Variants in POLA1 observed in about 807,000 individuals in gnomAD.
The protein encoded by POLA1 is DNA polymerase alpha 1, catalytic subunit.
A neutral mutation model predicts 124.0 loss-of-function variants in POLA1; 15 were observed. The observed-to-expected ratio is 0.12, with a 90% confidence interval of 0.08 to 0.19. The LOEUF (loss-of-function observed/expected upper bound fraction) is 0.19, where lower values mean the gene tolerates loss of function less well. POLA1 is among the 10% of genes least tolerant of loss of function. The probability of loss-of-function intolerance (pLI) is 1.00; values close to 1 mark genes in which losing one functional copy is unlikely to be tolerated. For synonymous variants in POLA1, 408 were observed against 389.4 expected (o/e 1.05, Z -0.56); for missense variants, 886 against 1,103.4 (o/e 0.80, Z 2.79).
Position 24,841,698 on chromosome X carries a change from A to C in POLA1, c.3783A>C (p.Glu1261Asp), listed in dbSNP as rs748187483. 5.1e-6 allele frequency: 6 copies of C among 1,187,590 alleles called. No homozygotes were observed. Among genetic ancestry groups the C allele is most frequent in the Non-Finnish European group, 6.8e-6 (6 of 878,509 alleles). The change falls in exon 33 of 37, where the codon GAA (glutamate) becomes GAC (aspartate). Residue 1261 changes from glutamate to aspartate, a missense_variant. Around this residue, in one of 7 missense-constraint regions of POLA1, gnomAD observed 313 missense variants for 359.7 expected, o/e 0.87. Coordinates refer to ENST00000379068, the MANE Select transcript of POLA1 (RefSeq NM_001330360.2). ...GAGTTCATCATTATCATAAAGATGA[A>C]GAGAATGATGCTCTACTTGGTGGCC... The part of the protein sequence containing the change: ...QFRVHHYHKD[E>D]ENDALLGGPA...
chrX:24,717,530 C>A (rs1410438712), intron 9 of POLA1, 39 bp downstream of exon 9: 2 of 1,200,361 alleles, frequency 1.7e-6, no homozygotes, highest in African/African-American at 1.8e-5. Context: ...AATAGGACCA[C>A]AATTTTTCTG....
At chrX:24,978,655 G>A (rs756120227) in intron 36 of POLA1, among the ~76,000 whole-genome samples, 2 of 111,918 alleles carry the variant, frequency 1.8e-5, no homozygotes, top group East Asian at 2.8e-4. Context: ...ATGGAGGTCC[G>A]GAGAGGTTTA....
intron 10 of POLA1, among the ~76,000 whole-genome samples, chrX:24,719,625 T>C (rs1930076793): frequency 9.0e-6 from 1 of 111,419 alleles, no homozygotes; most frequent in Non-Finnish European, 1.9e-5. Flanking sequence ...AGCACAGCAG[T>C]GTGACTGGTG....
intron 36 of POLA1, among the ~76,000 whole-genome samples, chrX:24,935,561 T>C (rs957276482): frequency 8.8e-6 from 1 of 113,188 alleles, no homozygotes; most frequent in Non-Finnish European, 1.9e-5. Context: ...CCTGCAAAGA[T>C]TGCAGTTTTC....
chrX:24,712,827 A>G (rs1177762676), intron 4 of POLA1, among the ~76,000 whole-genome samples: 1 of 112,419 alleles, frequency 8.9e-6, no homozygotes, highest in East Asian at 2.8e-4. Flanking sequence ...AATAAAGTCC[A>G]TCTTTTCCTT....
intron 36 of POLA1, among the ~76,000 whole-genome samples, chrX:24,988,685 C>T (rs780978696): frequency 5.6e-4 from 63 of 111,992 alleles, no homozygotes; most frequent in Non-Finnish European, 1.1e-3. Context: ...ATTAGAAATG[C>T]GGCTGGGCAC....
intron 35 of POLA1, among the ~76,000 whole-genome samples, chrX:24,908,804 C>T (rs1179653983): frequency 2.1e-4 from 23 of 111,282 alleles, no homozygotes; most frequent in South Asian, 1.1e-3. Context: ...CCTGAGGAAT[C>T]GCCACACTGA....
intron 34 of POLA1, among the ~76,000 whole-genome samples, chrX:24,864,422 C>A (rs1239292315): frequency 8.9e-6 from 1 of 112,121 alleles, no homozygotes; most frequent in Admixed American, 9.5e-5. Flanking sequence ...TAGAATATAA[C>A]GTACACTTTA....
intron 34 of POLA1, among the ~76,000 whole-genome samples, chrX:24,854,749 G>T (rs1601807529): frequency 9.2e-6 from 1 of 109,280 alleles, no homozygotes; most frequent in East Asian, 2.9e-4. Flanking sequence ...AAATCGCTTG[G>T]ACCCAGGAGG....
intron 36 of POLA1, among the ~76,000 whole-genome samples, chrX:24,952,117 G>C (rs917962300): frequency 8.9e-6 from 1 of 111,844 alleles, no homozygotes; most frequent in African/African-American, 3.3e-5. Context: ...CCATTTTTTT[G>C]TGTACAAAAT....
chrX:24,821,271 G>T (rs1404207624), intron 30 of POLA1, among the ~76,000 whole-genome samples, 181 bp from the exon 31 acceptor site: 2 of 112,052 alleles, frequency 1.8e-5, no homozygotes, highest in Admixed American at 9.5e-5. Flanking sequence ...ATTGAACAAA[G>T]GAGAGAGGAG....
Position 24,843,074 on chromosome X carries a change from A to G in POLA1, c.3916-472A>G, listed in dbSNP as rs374482098. Among the ~76,000 whole-genome samples, 291 of 112,115 alleles carry G rather than the reference A, an allele frequency of 2.6e-3. 1 individual carries two copies. Among genetic ancestry groups the G allele is most frequent in the African/African-American group, 8.9e-3 (276 of 30,904 alleles). ...CAGTAAGTGATACTGTTTTTGTGGT[A>G]CTACACTTTTAACTTTTAGACTTTA... On this transcript the variant is annotated intron_variant, in intron 33 of 36. Coordinates refer to ENST00000379068, the MANE Select transcript of POLA1 (RefSeq NM_001330360.2).
At chrX:24,755,351 C>G (rs1932545134) in intron 26 of POLA1, among the ~76,000 whole-genome samples, 1 of 112,074 alleles carries the variant, frequency 8.9e-6, no homozygotes, top group African/African-American at 3.2e-5. Flanking sequence ...CCTTGATATT[C>G]CACATCCTTG....
At chrX:24,868,486 G>A (rs976989637) in intron 34 of POLA1, among the ~76,000 whole-genome samples, 13 of 112,090 alleles carry the variant, frequency 1.2e-4, no homozygotes, top group African/African-American at 4.2e-4. Flanking sequence ...ACTTCCCAAA[G>A]TCATGTACTT....
intron 36 of POLA1, among the ~76,000 whole-genome samples, chrX:24,933,938 A>T: frequency 8.9e-6 from 1 of 112,505 alleles, no homozygotes; most frequent in Non-Finnish European, 1.9e-5. Flanking sequence ...CTGTAACTGC[A>T]TTACATTTTT....
chrX:24,954,271 T>C (rs1363528216), intron 36 of POLA1, among the ~76,000 whole-genome samples: 2 of 112,538 alleles, frequency 1.8e-5, no homozygotes, highest in Non-Finnish European at 3.7e-5. Context: ...TGTTTGGATT[T>C]GTTTTTAATT....
chrX:24,921,432 A>G (rs141721322), intron 35 of POLA1, among the ~76,000 whole-genome samples: 366 of 112,482 alleles, frequency 3.3e-3, no homozygotes, highest in Non-Finnish European at 6.0e-3. Flanking sequence ...AAATGGAAAT[A>G]TCCACATTTA....
intron 26 of POLA1, among the ~76,000 whole-genome samples, chrX:24,789,896 A>G (rs773926027): frequency 1.3e-4 from 15 of 111,832 alleles, no homozygotes; most frequent in African/African-American, 4.9e-4. Flanking sequence ...AGCTGAAGTA[A>G]TGAAGCCTTT....
intron 32 of POLA1, among the ~76,000 whole-genome samples, chrX:24,828,433 T>C (rs2046209063): frequency 8.9e-6 from 1 of 111,897 alleles, no homozygotes; most frequent in Non-Finnish European, 1.9e-5. Flanking sequence ...CTAAACTTGA[T>C]TGCCTGTTCT....
Sources: allele counts gnomAD v4.1 joint callset (sites outside exome capture counted in the v4.1 genomes callset), GRCh38; gene constraint gnomAD v4.1.1; regional missense constraint gnomAD v4.1.1; transcripts MANE v1.5; gene names NCBI Gene and HGNC (gene_info 2026-07-23, HGNC 2026-07-21).